Variants in SLC44A5 observed in about 807,000 individuals in gnomAD.
SLC44A5 encodes the protein choline transporter-like protein 5.
Under a neutral mutation model 101.8 loss-of-function variants are expected in SLC44A5, and 57 were observed. That is an observed-to-expected ratio of 0.56 (90% confidence interval 0.45 to 0.70). SLC44A5 has a LOEUF of 0.70. Among genes scored for constraint, SLC44A5 ranks in the 30% least tolerant of loss-of-function variants. SLC44A5 has a pLI of 0.00. For synonymous variants in SLC44A5, 281 were observed against 290.9 expected, an observed-to-expected ratio of 0.97 and a Z score of 0.35; for missense variants, 737 against 853.1, an observed-to-expected ratio of 0.86 and a Z score of 1.70.
chr1:75,678,380 G>C, the SLC44A5 span, among the ~76,000 whole-genome samples: 26 of 152,294 alleles, frequency 1.7e-4, no homozygotes, highest in African/African-American at 6.3e-4. Context: ...GCTTTGAAGA[G>C]AGCAGTGGTT....
intron 4 of SLC44A5, among the ~76,000 whole-genome samples, chr1:75,328,723 C>G (rs1246877516): frequency 6.6e-6 from 1 of 152,218 alleles, no homozygotes; most frequent in African/African-American, 2.4e-5. Flanking sequence ...AAATCCTCAT[C>G]ATGGCTTTCA....
At chr1:75,267,822 C>T (rs540440748) in intron 6 of SLC44A5, among the ~76,000 whole-genome samples, 7 of 152,210 alleles carry the variant, frequency 4.6e-5, no homozygotes, top group African/African-American at 1.2e-4. Context: ...TGGCTCGCCT[C>T]GGCTTCCCAA....
At chr1:75,218,080 T>G in intron 17 of SLC44A5, 120 bp from the exon 18 acceptor site, 3 of 685,604 alleles carry the variant, frequency 4.4e-6, no homozygotes. Flanking sequence ...AAGAGACTTT[T>G]GCACTCTCTT....
intron 11 of SLC44A5, among the ~76,000 whole-genome samples, chr1:75,236,060 T>G (rs1388392348): frequency 6.6e-6 from 1 of 152,020 alleles, no homozygotes; most frequent in East Asian, 1.9e-4. Context: ...AAAGCTGATT[T>G]TTAAAAAGGA....
chr1:75,702,987 A>G, the SLC44A5 span, among the ~76,000 whole-genome samples: 28 of 151,808 alleles, frequency 1.8e-4, no homozygotes, highest in Non-Finnish European at 4.0e-4. Flanking sequence ...TTAGAATGGC[A>G]ATCATTAAAA....
intron 2 of SLC44A5, among the ~76,000 whole-genome samples, chr1:75,481,958 G>T (rs865921357): frequency 5.3e-5 from 8 of 152,096 alleles, no homozygotes; most frequent in African/African-American, 1.4e-4. Context: ...CTGCTGTAAA[G>T]ACACATGCAC....
intron 9 of SLC44A5, among the ~76,000 whole-genome samples, chr1:75,241,548 AT>A (rs1256282658): frequency 6.6e-6 from 1 of 152,018 alleles, no homozygotes; most frequent in Non-Finnish European, 1.5e-5. Context: ...ACAGTTCATA[AT>A]TTTAAAGAAA....
intron 5 of SLC44A5, among the ~76,000 whole-genome samples, chr1:75,294,041 G>C (rs17096626): frequency 0.012 from 1,809 of 152,152 alleles, 53 homozygotes; most frequent in African/African-American, 0.041. Flanking sequence ...TTAAGAAAAG[G>C]TTCCTGGAAC....
chr1:75,428,990 A>C (rs1185887815), intron 2 of SLC44A5, among the ~76,000 whole-genome samples: 2 of 152,174 alleles, frequency 1.3e-5, no homozygotes, highest in Non-Finnish European at 2.9e-5. Flanking sequence ...ATTATTTTGC[A>C]TGCAGTTATA....
chr1:75,284,149 T>C (rs377564701), intron 5 of SLC44A5, among the ~76,000 whole-genome samples: 2 of 152,286 alleles, frequency 1.3e-5, no homozygotes, highest in East Asian at 3.9e-4. Context: ...TGTGTTTCCA[T>C]TTGTTTCTGT....
chr1:75,519,957 T>C (rs1282475188), intron 2 of SLC44A5, among the ~76,000 whole-genome samples: 2 of 152,208 alleles, frequency 1.3e-5, no homozygotes, highest in East Asian at 3.9e-4. Context: ...AGCTCAATCA[T>C]GGAGAAAAGT....
chr1:75,664,273 A>T, the SLC44A5 span, among the ~76,000 whole-genome samples: 1 of 152,182 alleles, frequency 6.6e-6, no homozygotes, highest in Non-Finnish European at 1.5e-5. Context: ...GCCCACTCGC[A>T]TTACACCTAT....
At chr1:75,627,175 T>C in the SLC44A5 span, among the ~76,000 whole-genome samples, 1 of 152,198 alleles carries the variant, frequency 6.6e-6, no homozygotes, top group Admixed American at 6.5e-5. Flanking sequence ...TCATTAAGAT[T>C]TATTTCATTT....
chr1:75,252,023 T>C (rs1394938968), intron 6 of SLC44A5, among the ~76,000 whole-genome samples: 1 of 152,200 alleles, frequency 6.6e-6, no homozygotes, highest in Admixed American at 6.5e-5. Context: ...TAATGCGTAG[T>C]GGACTTAAGA....
At chr1:75,467,432 A>C (rs181660636) in intron 2 of SLC44A5, among the ~76,000 whole-genome samples, 26 of 152,332 alleles carry the variant, frequency 1.7e-4, no homozygotes, top group African/African-American at 6.0e-4. Context: ...TGCAAATTAT[A>C]CTATGGAGCT....
chr1:75,417,468 A>T (rs1244421248), intron 2 of SLC44A5, among the ~76,000 whole-genome samples: 1 of 152,248 alleles, frequency 6.6e-6, no homozygotes, highest in Admixed American at 6.5e-5. Context: ...ACCACAGTTT[A>T]TGGGGAGGGG....
chr1:75,594,548 A>G (rs977067064), intron 1 of SLC44A5, among the ~76,000 whole-genome samples: 2 of 152,046 alleles, frequency 1.3e-5, no homozygotes, highest in African/African-American at 2.4e-5. Flanking sequence ...AACTATCAGT[A>G]TGTCAACTGT....
chr1:75,711,928 T>C, the SLC44A5 span, among the ~76,000 whole-genome samples: 1 of 152,228 alleles, frequency 6.6e-6, no homozygotes, highest in Admixed American at 6.5e-5. Flanking sequence ...GTCTCAGATA[T>C]TTCCAGTTTC....
At chr1:75,468,716 G>A (rs1275956834) in intron 2 of SLC44A5, among the ~76,000 whole-genome samples, 1 of 151,912 alleles carries the variant, frequency 6.6e-6, no homozygotes, top group Non-Finnish European at 1.5e-5. Flanking sequence ...TGGTTAATGG[G>A]TACAAAAAAA....
Sources: gnomAD v4.1 joint callset for allele counts (sites outside exome capture counted in the v4.1 genomes callset) on GRCh38, gnomAD v4.1.1 for gene constraint, MANE v1.5 for transcripts, NCBI Gene and HGNC (gene_info 2026-07-23, HGNC 2026-07-21) for gene names.